Variants in DCLK2 observed in about 807,000 individuals in gnomAD.
The protein encoded by DCLK2 is serine/threonine-protein kinase DCLK2.
DCLK2 carries 31 observed loss-of-function variants against 78.4 expected under a neutral mutation model. The ratio of observed to expected loss-of-function variants is 0.40; its 90% CI spans 0.30 to 0.53. The LOEUF (loss-of-function observed/expected upper bound fraction) is 0.53. Ranked by LOEUF, DCLK2 falls within the 20% of genes least tolerant of loss-of-function variation. The pLI is 0.61. For missense variants in DCLK2, 872 were observed against 973.7 expected (o/e 0.90, Z 1.39); for synonymous variants, 407 against 374.9 (o/e 1.09, Z -0.99).
Position 150,193,141 on chromosome 4 carries a change from ACTT to A in DCLK2, c.761_763del (p.Thr254_Cys255delinsSer). On this transcript the variant is annotated inframe_deletion, in exon 3 of 16. Coordinates refer to ENST00000296550, the MANE Select transcript of DCLK2 (RefSeq NM_001040260.4). ...TGGACATGATTTTTGTTCTCAGGTT[ACTT>A]GTCTGCAAGACTTTTTTGGTGATGA... is the stretch of plus-strand genomic sequence containing the variant. 1 of 1,600,776 alleles carries A rather than the reference ACTT, an allele frequency of 6.2e-7. No individual in the cohort carries two copies. The highest frequency in any genetic ancestry group is 8.6e-7 in the Non-Finnish European group (1 of 1,169,512).
rs568500006 is a variant in DCLK2 at position 150,078,699 on chromosome 4, C to G, written c.-329C>G. The G allele has an allele frequency of 6.4e-4, 126 of 196,270 alleles. No homozygotes were observed. The highest frequency in any genetic ancestry group is 8.9e-4 in the Non-Finnish European group (86 of 97,162). 12.2% of individuals were successfully genotyped at this position (196,270 alleles called of 1,614,324 possible). A position where few individuals can be genotyped will look rare whatever the true frequency, so the allele number is the denominator to read the frequency against. On this transcript the variant is annotated 5_prime_UTR_variant, in exon 1 of 16. Transcript: ENST00000296550. ...TCGGGCGGCCCAACTTTGCCTCTCC[C>G]GGTCGGCTCCCGAGCGGGACTTGTG...
At chr4:150,081,331 G>A (rs917608020) in intron 1 of DCLK2, among the ~76,000 whole-genome samples, 2 of 152,210 alleles carry the variant, frequency 1.3e-5, no homozygotes, top group African/African-American at 2.4e-5. Context: ...GTCTTTTACC[G>A]CCCACCGCAT....
chr4:150,193,389 A>C (rs942520014), intron 3 of DCLK2, 149 bp downstream of exon 3: 9 of 476,246 alleles, frequency 1.9e-5, no homozygotes, highest in African/African-American at 7.8e-5. Context: ...AACCAATGAA[A>C]ATAAAGAATA....
At chr4:150,196,482 G>T (rs1288748036) in intron 3 of DCLK2, among the ~76,000 whole-genome samples, 1 of 152,116 alleles carries the variant, frequency 6.6e-6, no homozygotes, top group Non-Finnish European at 1.5e-5. Flanking sequence ...GTATTTTCCT[G>T]GTTAGTGTAC....
chr4:150,216,011 C>CA (rs1740690182), intron 5 of DCLK2, among the ~76,000 whole-genome samples: 1 of 152,202 alleles, frequency 6.6e-6, no homozygotes, highest in African/African-American at 2.4e-5. Flanking sequence ...CAGTATAGCA[C>CA]AAGGGTAGCT....
chr4:150,120,624 A>G (rs72965536), intron 2 of DCLK2, among the ~76,000 whole-genome samples: 6,198 of 152,336 alleles, frequency 0.041, 402 homozygotes, highest in African/African-American at 0.14. Flanking sequence ...GACACAATAA[A>G]GTGAATATAA....
chr4:150,233,945 C>G (rs190155474), intron 10 of DCLK2, among the ~76,000 whole-genome samples: 10 of 152,178 alleles, frequency 6.6e-5, no homozygotes, highest in African/African-American at 2.2e-4. Flanking sequence ...CCCAGCCCCC[C>G]ACAAACACAC....
At chr4:150,159,250 T>C (rs1261929137) in intron 2 of DCLK2, among the ~76,000 whole-genome samples, 1 of 152,194 alleles carries the variant, frequency 6.6e-6, no homozygotes, top group Non-Finnish European at 1.5e-5. Flanking sequence ...GGCTTCACAG[T>C]TGAATCCTGG....
chr4:150,192,862 A>G (rs1459752), intron 2 of DCLK2, among the ~76,000 whole-genome samples: 130,465 of 152,034 alleles, frequency 0.86, 56,637 homozygotes, highest in Middle Eastern at 0.95. Flanking sequence ...AACCTGGGGG[A>G]AAAATCACGT....
intron 5 of DCLK2, among the ~76,000 whole-genome samples, chr4:150,219,255 A>ATTTTTT (rs1740981588): frequency 2.6e-5 from 3 of 113,516 alleles, no homozygotes; most frequent in Non-Finnish European, 5.8e-5. Context: ...GTTCACAAAC[A>ATTTTTT]TTCTTTTTTT....
At chr4:150,125,167 G>A (rs1193399964) in intron 2 of DCLK2, among the ~76,000 whole-genome samples, 1 of 152,152 alleles carries the variant, frequency 6.6e-6, no homozygotes, top group Non-Finnish European at 1.5e-5. Flanking sequence ...GAATGCCACA[G>A]AGACATTCAA....
Position 150,248,323 on chromosome 4 carries a change from C to A in DCLK2, c.1894C>A (p.Leu632Ile). 1.2e-6 allele frequency: 2 copies of A among 1,613,980 alleles called. No individual in the cohort carries two copies. Among genetic ancestry groups the A allele is most frequent in the African/African-American group, 1.3e-5 (1 of 75,050 alleles). The change falls in exon 14 of 16, where the codon CTT becomes ATT. Residue 632 changes from leucine to isoleucine, a missense_variant. Transcript: ENST00000296550. ...DSAKELISQM[L>I]QVNVEARCTA... ...TTTGTAGGAATTAATCAGTCAAATG[C>A]TTCAGGTAAATGTTGAAGCTCGGTG...
At chr4:150,105,258 A>G (rs1409927481) in intron 2 of DCLK2, among the ~76,000 whole-genome samples, 7 of 152,284 alleles carry the variant, frequency 4.6e-5, no homozygotes, top group African/African-American at 1.2e-4. Context: ...TAAAAATGAA[A>G]GATTTCTGGA....
intron 3 of DCLK2, among the ~76,000 whole-genome samples, chr4:150,194,022 G>GACACACACACACACACACACACAC (rs58179559): frequency 1.5e-5 from 2 of 133,782 alleles, no homozygotes; most frequent in African/African-American, 2.9e-5. Flanking sequence ...AAAGTGCTGG[G>GACACACACACACACACACACACAC]ACACACACAC....
chr4:150,198,847 ATCAGAC>A (rs1356753588), intron 4 of DCLK2, among the ~76,000 whole-genome samples: 2 of 151,910 alleles, frequency 1.3e-5, no homozygotes, highest in Non-Finnish European at 2.9e-5. Context: ...GGCCTCAAGC[ATCAGAC>A]TTTATAAAAG....
intron 2 of DCLK2, among the ~76,000 whole-genome samples, chr4:150,174,462 G>A (rs980659428): frequency 1.3e-5 from 2 of 152,120 alleles, no homozygotes; most frequent in Non-Finnish European, 2.9e-5. Context: ...TGTCAGAAGC[G>A]GGGACTGCTT....
chr4:150,164,475 A>G (rs1735923894), intron 2 of DCLK2, among the ~76,000 whole-genome samples: 1 of 152,214 alleles, frequency 6.6e-6, no homozygotes, highest in Admixed American at 6.5e-5. Context: ...TTGTAGATAA[A>G]TGAATTAGCT....
At chr4:150,107,120 C>G (rs760501424) in intron 2 of DCLK2, among the ~76,000 whole-genome samples, 9 of 152,144 alleles carry the variant, frequency 5.9e-5, no homozygotes, top group Non-Finnish European at 1.0e-4. Context: ...ACGTGCAGGA[C>G]AGCCACGACA....
At chr4:150,154,601 A>C (rs1049721185) in intron 2 of DCLK2, among the ~76,000 whole-genome samples, 12 of 152,126 alleles carry the variant, frequency 7.9e-5, no homozygotes, top group Non-Finnish European at 1.6e-4. Flanking sequence ...GCAAGCTTTT[A>C]ATATTATTAC....
Sources: allele counts gnomAD v4.1 joint callset (sites outside exome capture counted in the v4.1 genomes callset), GRCh38; gene constraint gnomAD v4.1.1; transcripts MANE v1.5; gene names NCBI Gene and HGNC (gene_info 2026-07-23, HGNC 2026-07-21).